PTGER4: variants seen among roughly 807,000 people sequenced by gnomAD.
PTGER4 encodes prostaglandin E2 receptor EP4 subtype.
Under a neutral mutation model 33.2 loss-of-function variants are expected in PTGER4, and 11 were observed. The observed-to-expected ratio is 0.33, with a 90% CI of 0.21 to 0.55. The LOEUF (loss-of-function observed/expected upper bound fraction) is 0.55, where lower values mean the gene tolerates loss of function less well. Ranked by LOEUF, PTGER4 falls within the 20% of genes least tolerant of loss-of-function variation. The pLI, the probability that PTGER4 is intolerant of heterozygous loss-of-function variation, is 0.92. For missense variants in PTGER4, 481 were observed against 650.2 expected (o/e 0.74, Z 2.83); for synonymous variants, 275 against 281.5 (o/e 0.98, Z 0.23).
the PTGER4 span, among the ~76,000 whole-genome samples, chr5:40,703,686 C>G: frequency 4.1e-3 from 625 of 151,948 alleles, 3 homozygotes; most frequent in African/African-American, 0.014. Flanking sequence ...GGACAGATCA[C>G]AAGGTCAAGA....
Position 40,681,551 on chromosome 5 carries a change from C to A in PTGER4, c.558C>A (p.Tyr186Ter). Residue 186 changes from tyrosine to a stop codon, truncating the protein, a stop_gained, in exon 2 of 3, where the codon TAC (tyrosine) becomes TAA (stop). Coordinates refer to ENST00000302472, the MANE Select transcript of PTGER4 (RefSeq NM_000958.3). LOFTEE classifies it high-confidence loss of function. This position sits in a 1 kb window ranked among gnomAD's most constrained non-coding sequence, Gnocchi z 9.8. The part of the protein sequence containing the change: ...TNVTAHAAYS[Y>*]MYAGFSSFLI... ...TGACGGCGCACGCCGCCTACTCCTA[C>A]ATGTACGCGGGCTTCAGCTCCTTCC... The A allele has an allele frequency of 6.2e-7, 1 of 1,612,256 alleles. No homozygotes were observed. The highest frequency in any genetic ancestry group is 8.5e-7 in the Non-Finnish European group (1 of 1,180,044).
Position 40,692,343 on chromosome 5 carries a change from A to T in PTGER4, c.1432A>T (p.Ser478Cys). The T allele has an allele frequency of 4.4e-6, 7 of 1,606,958 alleles. No homozygotes were observed. The highest frequency in any genetic ancestry group is 6.0e-6 in the Non-Finnish European group (7 of 1,176,086). The change falls in exon 3 of 3, where the codon AGT becomes TGT. Residue 478 changes from serine to cysteine, a missense_variant. Around this residue, in one of 7 missense-constraint regions of PTGER4, gnomAD observed 172 missense variants for 199.2 expected, o/e 0.86. Transcript: ENST00000302472. ...KGSSLQVTFP[S>C]ETLNLSEKCI is the part of the protein sequence containing the mutation. ...GAGCTCCCTGCAAGTCACATTTCCC[A>T]GTGAAACACTGAACTTATCAGAAAA...
At chr5:40,733,194 G>A in the PTGER4 span, among the ~76,000 whole-genome samples, 5 of 152,264 alleles carry the variant, frequency 3.3e-5, no homozygotes, top group Middle Eastern at 3.4e-3. Flanking sequence ...AGAATTCTAC[G>A]TTTAGCAGAG....
chr5:40,680,861 T>C lies in PTGER4; in HGVS notation c.-43-90T>C, dbSNP rs1264992604. The C allele has an allele frequency of 7.9e-6, 9 of 1,140,570 alleles. No homozygotes were observed. The South Asian group carries it at 9.1e-5, about 11-fold the overall frequency. The allele number at this position is 1,140,570 out of a possible 1,614,324, so 70.7% of individuals were successfully genotyped here. On this transcript the variant is annotated intron_variant, in intron 1 of 2. Coordinates refer to ENST00000302472, the MANE Select transcript of PTGER4 (RefSeq NM_000958.3). The surrounding 1 kb of genome is among the most constrained non-coding windows in gnomAD (Gnocchi z 5.5). ...GGATCGAGTTGCTCCCCTTGTCTTATCAGTGTATCGTTTCTCGGGCGCGGG... is the reference window on the plus strand; with the variant it reads ...GGATCGAGTTGCTCCCCTTGTCTTACCAGTGTATCGTTTCTCGGGCGCGGG...
At chr5:40,737,886 A>C in the PTGER4 span, among the ~76,000 whole-genome samples, 1 of 152,324 alleles carries the variant, frequency 6.6e-6, no homozygotes, top group East Asian at 1.9e-4. Context: ...CTGAGATGTC[A>C]ATCATTTCTT....
downstream of PTGER4, among the ~76,000 whole-genome samples, chr5:40,695,031 A>AATT (rs1455154966): frequency 6.6e-6 from 1 of 152,238 alleles, no homozygotes; most frequent in African/African-American, 2.4e-5. Flanking sequence ...ACAAGAAGGT[A>AATT]ATTTTAACAC....
chr5:40,724,595 T>A, the PTGER4 span, among the ~76,000 whole-genome samples: 1 of 151,672 alleles, frequency 6.6e-6, no homozygotes, highest in Non-Finnish European at 1.5e-5. Flanking sequence ...ATCACACCAG[T>A]GCACTCCAGC....
the PTGER4 span, chr5:40,716,552 A>G: frequency 8.4e-7 from 1 of 1,189,250 alleles, no homozygotes; most frequent in Non-Finnish European, 1.2e-6. Flanking sequence ...AGTATGTTTA[A>G]TACAATCCTG....
rs1741505662 is a variant in PTGER4, at chr5:40,692,694, A to C, written c.*316A>C. 1 of 1,076,524 alleles carries C rather than the reference A, an allele frequency of 9.3e-7. No homozygotes were observed. Among genetic ancestry groups the C allele is most frequent in the Non-Finnish European group, 1.1e-6 (1 of 887,004 alleles). The allele number at this position is 1,076,524 out of a possible 1,614,324, so 66.7% of individuals were successfully genotyped here. On this transcript the variant is annotated 3_prime_UTR_variant, in exon 3 of 3. Transcript: ENST00000302472. ...GTTTGGCTGCTGTCATAACATCCAG[A>C]GCTTTGTCGTATTTGGCACACAGCA... is the stretch of plus-strand genomic sequence containing the variant.
At chr5:40,740,784 C>T in the PTGER4 span, among the ~76,000 whole-genome samples, 23 of 152,310 alleles carry the variant, frequency 1.5e-4, no homozygotes, top group East Asian at 4.2e-3. Context: ...CAGTTCCCAC[C>T]CCATGTCCTC....
At chr5:40,725,264 C>T in the PTGER4 span, among the ~76,000 whole-genome samples, 9 of 151,148 alleles carry the variant, frequency 6.0e-5, no homozygotes, top group South Asian at 2.1e-4. Flanking sequence ...TGAGATTATA[C>T]GCGTGAGCCA....
the PTGER4 span, among the ~76,000 whole-genome samples, chr5:40,711,885 A>G: frequency 6.6e-6 from 1 of 152,118 alleles, no homozygotes; most frequent in Non-Finnish European, 1.5e-5. Context: ...CAGAAAGCAG[A>G]AAAGTAGTTG....
the PTGER4 span, among the ~76,000 whole-genome samples, chr5:40,712,822 G>A: frequency 4.1e-4 from 63 of 152,078 alleles, no homozygotes; most frequent in Non-Finnish European, 7.6e-4. Flanking sequence ...ATCCTTACCC[G>A]CCGCTGCCTT....
At chr5:40,714,487 CTATT>C in the PTGER4 span, 6 of 152,144 alleles carry the variant, frequency 3.9e-5, no homozygotes, top group African/African-American at 9.7e-5. Context: ...CAGAAAAAAA[CTATT>C]TATTCACAAA....
At position 40,693,516 on chromosome 5, in the gene PTGER4, C is replaced by G. The variant is rs1252624177; in HGVS notation, c.*1138C>G. On this transcript the variant is annotated 3_prime_UTR_variant, in exon 3 of 3. Transcript: ENST00000302472. ...ATGTCAGAAGTGCAGAATTGGGGCACTTAATGGTCACCTTGTAACAGTTTT... is the reference window on the plus strand; with the variant it reads ...ATGTCAGAAGTGCAGAATTGGGGCAGTTAATGGTCACCTTGTAACAGTTTT... 13 of 985,778 alleles carry G rather than the reference C, an allele frequency of 1.3e-5. No individual in the cohort carries two copies. In the Middle Eastern group the frequency reaches 1.5e-3, roughly 118 times the overall value. The allele number at this position is 985,778 out of a possible 1,614,324, so 61.1% of individuals were successfully genotyped here. A position where few individuals can be genotyped will look rare whatever the true frequency, so the allele number is the denominator to read the frequency against.
At chr5:40,709,251 T>A in the PTGER4 span, among the ~76,000 whole-genome samples, 1 of 152,218 alleles carries the variant, frequency 6.6e-6, no homozygotes, top group African/African-American at 2.4e-5. Flanking sequence ...TTGTCCCTGT[T>A]TGCAGATGAC....
chr5:40,705,415 G>A, the PTGER4 span, among the ~76,000 whole-genome samples: 5 of 152,134 alleles, frequency 3.3e-5, no homozygotes, highest in Admixed American at 2.0e-4. Context: ...CTAGGAATGG[G>A]CAAAGATTTC....
chr5:40,715,452 A>G, the PTGER4 span: 1 of 152,440 alleles, frequency 6.6e-6, no homozygotes, highest in East Asian at 1.9e-4. Context: ...ATTAAAAAAT[A>G]AAACCATCAT....
At chr5:40,687,797 C>T (rs1248068816) in intron 2 of PTGER4, among the ~76,000 whole-genome samples, 1 of 152,144 alleles carries the variant, frequency 6.6e-6, no homozygotes. Flanking sequence ...GTGAACTCCC[C>T]TTTATTGAAA....
Sources: allele counts gnomAD v4.1 joint callset (sites outside exome capture counted in the v4.1 genomes callset), GRCh38; gene constraint gnomAD v4.1.1; regional missense constraint gnomAD v4.1.1; non-coding constraint Gnocchi (gnomAD v3.1); transcripts MANE v1.5; gene names NCBI Gene and HGNC (gene_info 2026-07-23, HGNC 2026-07-21).